ABHD2: variants seen among roughly 807,000 people sequenced by gnomAD.
ABHD2 encodes abhydrolase domain containing 2, acylglycerol lipase, also known as monoacylglycerol lipase ABHD2.
A neutral mutation model predicts 48.1 loss-of-function variants in ABHD2; 20 were observed. That is an observed-to-expected ratio of 0.42 (90% CI 0.29 to 0.60). The LOEUF is 0.60. Ranked by LOEUF, ABHD2 falls within the 20% of genes least tolerant of loss-of-function variation. The probability of loss-of-function intolerance (pLI) is 0.24; values close to 1 mark genes in which losing one functional copy is unlikely to be tolerated. For missense variants in ABHD2, 405 were observed against 550.9 expected (o/e 0.74, Z 2.65); for synonymous variants, 209 against 214.2 (o/e 0.98, Z 0.21).
rs2051219005 is a variant in ABHD2 at position 89,186,862 on chromosome 15, G to A, written c.816-1331G>A. The stretch of plus-strand genomic sequence containing the variant: ...GCTTCCTACGGGTGGGCGTTCACAT[G>A]GCACCTAAGCAAGGCTGGGCTTGAA... On this transcript the variant is annotated intron_variant, in intron 7 of 10. Coordinates refer to ENST00000352732, the MANE Select transcript of ABHD2 (RefSeq NM_152924.5). This position sits in a 1 kb window ranked among gnomAD's most constrained non-coding sequence, Gnocchi z 4.3. Among the ~76,000 whole-genome samples, 1 of 152,220 alleles carries A rather than the reference G, an allele frequency of 6.6e-6. No individual in the cohort carries two copies. Among genetic ancestry groups the A allele is most frequent in the Non-Finnish European group, 1.5e-5 (1 of 68,040 alleles).
intron 5 of ABHD2, among the ~76,000 whole-genome samples, chr15:89,165,185 G>T (rs953799334): frequency 6.6e-6 from 1 of 152,122 alleles, no homozygotes; most frequent in African/African-American, 2.4e-5. Context: ...TGGGCCACAC[G>T]CCTCCAGCTC....
At chr15:89,099,667 C>G (rs1184982907) in intron 1 of ABHD2, among the ~76,000 whole-genome samples, 1 of 151,532 alleles carries the variant, frequency 6.6e-6, no homozygotes, top group African/African-American at 2.4e-5. Flanking sequence ...TACCTGTAAT[C>G]CCAGCACTTT....
chr15:89,101,397 C>A (rs2058141404), intron 1 of ABHD2, among the ~76,000 whole-genome samples: 1 of 152,224 alleles, frequency 6.6e-6, no homozygotes, highest in South Asian at 2.1e-4. Flanking sequence ...TGAGCTTTCT[C>A]TCCTGATGTA....
chr15:89,069,399 A>C, the ABHD2 span, among the ~76,000 whole-genome samples: 1 of 152,006 alleles, frequency 6.6e-6, no homozygotes, highest in African/African-American at 2.4e-5. Flanking sequence ...AGTAACTGGG[A>C]TTACAGGCAT....
rs1233981139 is a variant in ABHD2, at chr15:89,183,368, C to CAAAA, written c.723-2042_723-2039dup. 2.1e-3 allele frequency: 130 copies of CAAAA among 61,808 alleles called. 3 individuals are homozygous for CAAAA. The highest frequency in any genetic ancestry group is 3.2e-3 in the South Asian group (4 of 1,264). 3.8% of individuals were successfully genotyped at this position (61,808 alleles called of 1,614,324 possible). A position where few individuals can be genotyped will look rare whatever the true frequency, so the allele number is the denominator to read the frequency against. ...TGGTATTGAAGACATCAGTCCTTTTCAAAAAAAAAAAAAAAAATATATATA... is the reference window on the plus strand; with the variant it reads ...TGGTATTGAAGACATCAGTCCTTTTCAAAAAAAAAAAAAAAAAAAAATATATATA... On this transcript the variant is annotated intron_variant, in intron 6 of 10. Coordinates refer to ENST00000352732, the MANE Select transcript of ABHD2 (RefSeq NM_152924.5).
At chr15:89,183,988 G>T (rs1479412994) in intron 6 of ABHD2, among the ~76,000 whole-genome samples, 3 of 152,118 alleles carry the variant, frequency 2.0e-5, no homozygotes, top group African/African-American at 7.2e-5. Flanking sequence ...TTTAGCCGGG[G>T]TCCCTCATGG....
At chr15:89,117,766 C>G (rs1012944063) in intron 3 of ABHD2, among the ~76,000 whole-genome samples, 4 of 152,230 alleles carry the variant, frequency 2.6e-5, no homozygotes, top group Admixed American at 6.5e-5. Context: ...GTGAATGATT[C>G]TCTTCTAAGA....
intron 9 of ABHD2, 52 bp from the exon 10 acceptor site, chr15:89,193,183 G>A: frequency 6.5e-7 from 1 of 1,549,770 alleles, no homozygotes. Flanking sequence ...GAATCGATGG[G>A]GTCTGAAAAT....
chr15:89,061,849 C>T, the ABHD2 span, among the ~76,000 whole-genome samples: 5 of 152,156 alleles, frequency 3.3e-5, no homozygotes, highest in African/African-American at 9.7e-5. Context: ...GCTAGGATTA[C>T]AGATGTGAGC....
At chr15:89,063,669 G>C in the ABHD2 span, among the ~76,000 whole-genome samples, 1 of 152,050 alleles carries the variant, frequency 6.6e-6, no homozygotes, top group African/African-American at 2.4e-5. Context: ...TTTTAAGCAT[G>C]TTTAGGTGTA....
the ABHD2 span, among the ~76,000 whole-genome samples, chr15:89,064,725 C>T: frequency 6.6e-6 from 1 of 152,078 alleles, no homozygotes; most frequent in Non-Finnish European, 1.5e-5. Context: ...ACAATGAACA[C>T]TTGATTATTT....
In ABHD2 at chr15:89,174,164, G is replaced by A. The variant is rs1424219068; in HGVS notation, c.539-1648G>A. ...CCCCATTAAAAATAAAAAAGAATAGGGCAGTTTCAAGTGTATTGATGCATA... is the reference window on the plus strand; with the variant it reads ...CCCCATTAAAAATAAAAAAGAATAGAGCAGTTTCAAGTGTATTGATGCATA... On this transcript the variant is annotated intron_variant, in intron 5 of 10. Coordinates refer to ENST00000352732, the MANE Select transcript of ABHD2 (RefSeq NM_152924.5). The surrounding 1 kb of genome is among the most constrained non-coding windows in gnomAD (Gnocchi z 4.1). Among the ~76,000 whole-genome samples, 1 of 151,972 alleles carries A rather than the reference G, an allele frequency of 6.6e-6. No individual in the cohort carries two copies. The highest frequency in any genetic ancestry group is 1.5e-5 in the Non-Finnish European group (1 of 68,012).
At chr15:89,128,184 AAG>A (rs1226105671) in intron 3 of ABHD2, among the ~76,000 whole-genome samples, 2 of 152,228 alleles carry the variant, frequency 1.3e-5, no homozygotes, top group Admixed American at 6.5e-5. Context: ...AATTTAGAGA[AAG>A]AGGGGATATT....
In ABHD2 at chr15:89,164,518, G is replaced by A. The variant is rs1432057894; in HGVS notation, c.538+8984G>A. On this transcript the variant is annotated intron_variant, in intron 5 of 10. Transcript: ENST00000352732. The surrounding 1 kb of genome is among the most constrained non-coding windows in gnomAD (Gnocchi z 5.0). Reference sequence around the variant, plus strand: ...ATTTGGCAATAAGTCCCAGCATGGTGGCTCACACCTGTAATCCCAGCACTT... The same window carrying A: ...ATTTGGCAATAAGTCCCAGCATGGTAGCTCACACCTGTAATCCCAGCACTT... Among the ~76,000 whole-genome samples the A allele has an allele frequency of 6.6e-6, 1 of 152,086 alleles. No homozygotes were observed. The highest frequency in any genetic ancestry group is 2.4e-5 in the African/African-American group (1 of 41,412).
At chr15:89,058,552 C>G in the ABHD2 span, among the ~76,000 whole-genome samples, 2 of 152,106 alleles carry the variant, frequency 1.3e-5, no homozygotes, top group African/African-American at 4.8e-5. Context: ...AGGAGGTGCA[C>G]AGCAGGAGCT....
At chr15:89,142,516 C>T (rs1195808891) in intron 3 of ABHD2, among the ~76,000 whole-genome samples, 1 of 152,188 alleles carries the variant, frequency 6.6e-6, no homozygotes, top group African/African-American at 2.4e-5. Context: ...GTGGCATTTG[C>T]CTTAGCATGT....
chr15:89,070,848 G>T, the ABHD2 span, among the ~76,000 whole-genome samples: 4 of 152,098 alleles, frequency 2.6e-5, no homozygotes, highest in Admixed American at 2.6e-4. Flanking sequence ...TCTAGATTAG[G>T]TCTTAGTCCT....
the ABHD2 span, among the ~76,000 whole-genome samples, chr15:89,048,969 T>TA: frequency 6.6e-6 from 1 of 151,252 alleles, no homozygotes; most frequent in Non-Finnish European, 1.5e-5. Flanking sequence ...CTCTGCTTTT[T>TA]AGAGTTTCCA....
At chr15:89,066,725 C>G in the ABHD2 span, among the ~76,000 whole-genome samples, 1 of 152,278 alleles carries the variant, frequency 6.6e-6, no homozygotes, top group South Asian at 2.1e-4. Flanking sequence ...GAAACCTGTG[C>G]TCAGCAAGAT....
Sources: gnomAD v4.1 joint callset for allele counts (sites outside exome capture counted in the v4.1 genomes callset) on GRCh38, gnomAD v4.1.1 for gene constraint, Gnocchi (gnomAD v3.1) non-coding constraint, MANE v1.5 for transcripts, NCBI Gene and HGNC (gene_info 2026-07-23, HGNC 2026-07-21) for gene names.